PTPN1: variants seen among roughly 807,000 people sequenced by gnomAD.
The protein encoded by PTPN1 is protein tyrosine phosphatase non-receptor type 1, also known as tyrosine-protein phosphatase non-receptor type 1.
A neutral mutation model predicts 59.9 loss-of-function variants in PTPN1; 12 were observed. The ratio of observed to expected loss-of-function variants is 0.20; its 90% CI spans 0.13 to 0.32. The LOEUF is 0.32. Ranked by LOEUF, PTPN1 falls within the 10% of genes least tolerant of loss-of-function variation. PTPN1 has a pLI of 1.00. For missense variants in PTPN1, 356 were observed against 549.2 expected (o/e 0.65, Z 3.52); for synonymous variants, 178 against 203.6 (o/e 0.87, Z 1.07).
chr20:50,561,503 C>G (rs753279963), intron 2 of PTPN1, 50 bp downstream of exon 2: 1 of 1,262,272 alleles, frequency 7.9e-7, no homozygotes, highest in Admixed American at 2.2e-5. Context: ...TTGCTGCAGG[C>G]CTTTTTAGTC....
intron 1 of PTPN1, among the ~76,000 whole-genome samples, chr20:50,538,382 G>A (rs1297005914): frequency 1.3e-5 from 2 of 152,314 alleles, no homozygotes; most frequent in Middle Eastern, 3.4e-3. Context: ...TGTAGAAACA[G>A]GAGATAAAAC....
At chr20:50,522,651 A>T (rs1351437940) in intron 1 of PTPN1, among the ~76,000 whole-genome samples, 1 of 152,198 alleles carries the variant, frequency 6.6e-6, no homozygotes, top group Non-Finnish European at 1.5e-5. Flanking sequence ...GTGTATGGCA[A>T]ATTAGAACAA....
chr20:50,564,168 G>A (rs2082767944), intron 2 of PTPN1, among the ~76,000 whole-genome samples: 1 of 152,134 alleles, frequency 6.6e-6, no homozygotes, highest in Non-Finnish European at 1.5e-5. Context: ...TAGAGGTTAG[G>A]TTGAAGTTCG....
intron 4 of PTPN1, among the ~76,000 whole-genome samples, chr20:50,569,003 C>T (rs763456228): frequency 3.4e-4 from 51 of 152,238 alleles, no homozygotes; most frequent in Middle Eastern, 3.4e-3. Context: ...ATTCTAAGTT[C>T]CTGCAACTTT....
chr20:50,526,069 G>A (rs1371539753), intron 1 of PTPN1, among the ~76,000 whole-genome samples: 2 of 152,076 alleles, frequency 1.3e-5, no homozygotes, highest in African/African-American at 4.8e-5. Context: ...GAGGGGTGCG[G>A]GGGAGCACAT....
chr20:50,546,113 T>C (rs1037055290), intron 1 of PTPN1, among the ~76,000 whole-genome samples: 24 of 152,110 alleles, frequency 1.6e-4, no homozygotes, highest in African/African-American at 4.8e-4. Flanking sequence ...GCAGCAGGGA[T>C]GGTAGCGTTT....
chr20:50,519,239 C>T (rs1010896339), intron 1 of PTPN1, among the ~76,000 whole-genome samples: 1 of 152,184 alleles, frequency 6.6e-6, no homozygotes, highest in Non-Finnish European at 1.5e-5. Context: ...TTGTTTTCAT[C>T]CTTTGTGAGC....
chr20:50,550,270 A>G (rs2082696600), intron 1 of PTPN1, among the ~76,000 whole-genome samples: 1 of 152,244 alleles, frequency 6.6e-6, no homozygotes, highest in South Asian at 2.1e-4. Context: ...ATCAAATTAG[A>G]TAACCATTTG....
intron 1 of PTPN1, among the ~76,000 whole-genome samples, chr20:50,559,611 A>G (rs940798629): frequency 1.2e-4 from 18 of 144,700 alleles, no homozygotes; most frequent in African/African-American, 4.6e-4. Flanking sequence ...CTTTCCTTGT[A>G]TTTTTTTGTT....
chr20:50,566,283 G>C (rs2082778802), intron 3 of PTPN1, among the ~76,000 whole-genome samples: 1 of 152,180 alleles, frequency 6.6e-6, no homozygotes, highest in South Asian at 2.1e-4. Flanking sequence ...CCTACTTCTT[G>C]ATTTCAGCCC....
At chr20:50,566,745 T>G (rs958810519) in intron 3 of PTPN1, among the ~76,000 whole-genome samples, 2 of 152,054 alleles carry the variant, frequency 1.3e-5, no homozygotes, top group Non-Finnish European at 2.9e-5. Context: ...GTCAGCTAAG[T>G]GTGGTGCGTG....
chr20:50,517,510 C>G (rs2082534044), intron 1 of PTPN1, among the ~76,000 whole-genome samples: 1 of 152,212 alleles, frequency 6.6e-6, no homozygotes, highest in Non-Finnish European at 1.5e-5. Context: ...CTGTCTGCCT[C>G]AGGCTCCCAA....
intron 1 of PTPN1, among the ~76,000 whole-genome samples, chr20:50,542,011 C>T (rs571279870): frequency 7.3e-4 from 111 of 152,298 alleles, no homozygotes; most frequent in African/African-American, 2.6e-3. Flanking sequence ...ACTTTCTACT[C>T]AACACTATTT....
chr20:50,569,046 C>T (rs1423075346), intron 4 of PTPN1, among the ~76,000 whole-genome samples: 3 of 152,172 alleles, frequency 2.0e-5, no homozygotes, highest in East Asian at 1.9e-4. Context: ...TGTGGCTGCA[C>T]GGTGTCCATT....
chr20:50,533,690 G>GC (rs11471457), intron 1 of PTPN1, among the ~76,000 whole-genome samples: 170 of 149,992 alleles, frequency 1.1e-3, no homozygotes, highest in Middle Eastern at 3.4e-3. Context: ...GGACACCCTT[G>GC]CCCCCCCCCA....
intron 8 of PTPN1, among the ~76,000 whole-genome samples, chr20:50,580,151 T>G (rs1409941065): frequency 2.0e-5 from 3 of 152,170 alleles, no homozygotes; most frequent in Non-Finnish European, 4.4e-5. Context: ...TTCTGTGGGC[T>G]TCTAGTGCCA....
chr20:50,521,135 C>A lies in PTPN1; in HGVS notation c.63+10545C>A, dbSNP rs536584943. On this transcript the variant is annotated intron_variant, in intron 1 of 9. Coordinates refer to ENST00000371621, the MANE Select transcript of PTPN1 (RefSeq NM_002827.4). Reference sequence around the variant, plus strand: ...TTATTTCCTTAAAAATAATAAAATGCCCTGTGGGGGCATAAGTCACATTAT... The same window carrying A: ...TTATTTCCTTAAAAATAATAAAATGACCTGTGGGGGCATAAGTCACATTAT... Among the ~76,000 whole-genome samples, 5 of 152,156 alleles carry A rather than the reference C, an allele frequency of 3.3e-5. No homozygotes were observed. The South Asian group carries it at 1.0e-3, about 32-fold the overall frequency.
At position 50,556,180 on chromosome 20, in the gene PTPN1, G is replaced by A. The variant is rs115279383; in HGVS notation, c.64-5183G>A. ...TCATCATGCTGTTGTTTTTTTGTGT[G>A]GGTTTGTTTTTGGTTTTGAGACAGG... On this transcript the variant is annotated intron_variant, in intron 1 of 9. Transcript: ENST00000371621. Among the ~76,000 whole-genome samples, 1,310 of 151,896 alleles carry A rather than the reference G, an allele frequency of 8.6e-3. 18 individuals carry two copies. The highest frequency in any genetic ancestry group is 0.028 in the African/African-American group (1,168 of 41,388).
intron 8 of PTPN1, 50 bp from the exon 9 acceptor site, chr20:50,581,215 A>C: frequency 6.5e-7 from 1 of 1,535,928 alleles, no homozygotes; most frequent in Non-Finnish European, 8.8e-7. Context: ...CATCCTTGCC[A>C]TTCATTTTCT....
Sources: allele counts gnomAD v4.1 joint callset (sites outside exome capture counted in the v4.1 genomes callset), GRCh38; gene constraint gnomAD v4.1.1; transcripts MANE v1.5; gene names NCBI Gene and HGNC (gene_info 2026-07-23, HGNC 2026-07-21).